Variants in SMIM45 observed in about 807,000 individuals in gnomAD.
The protein encoded by SMIM45 is long intergenic non-protein coding RNA 634.
At chr22:41,955,574 AGGTG>A in the SMIM45 span, among the ~76,000 whole-genome samples, 2 of 151,406 alleles carry the variant, frequency 1.3e-5, no homozygotes, top group African/African-American at 4.8e-5. Flanking sequence ...TGGGAGGCCG[AGGTG>A]GGCGGATCAC....
the SMIM45 span, among the ~76,000 whole-genome samples, chr22:41,957,181 C>CTTTTTTT: frequency 1.7e-5 from 1 of 59,292 alleles, no homozygotes; most frequent in Admixed American, 2.5e-4. Flanking sequence ...ACCACGTGGT[C>CTTTTTTT]TTTTTTTTTT....
the SMIM45 span, among the ~76,000 whole-genome samples, chr22:41,957,490 C>T: frequency 6.6e-6 from 1 of 151,958 alleles, no homozygotes; most frequent in South Asian, 2.1e-4. Context: ...CGTGAGCCAC[C>T]GCGCCCGGCC....
At chr22:41,957,899 T>C in the SMIM45 span, 1 of 162,480 alleles carries the variant, frequency 6.2e-6, no homozygotes, top group African/African-American at 2.4e-5. Context: ...CTGAGCCGAC[T>C]TGCAAAGGGG....
the SMIM45 span, among the ~76,000 whole-genome samples, chr22:41,956,171 A>T: frequency 2.6e-5 from 4 of 152,098 alleles, no homozygotes; most frequent in South Asian, 8.3e-4. Context: ...CACCATGCCC[A>T]GCTAATTTTT....
the SMIM45 span, among the ~76,000 whole-genome samples, chr22:41,952,742 G>A: frequency 6.6e-6 from 1 of 152,188 alleles, no homozygotes; most frequent in Non-Finnish European, 1.5e-5. Flanking sequence ...GGGATTTTGT[G>A]CACAGGGCTG....
the SMIM45 span, among the ~76,000 whole-genome samples, chr22:41,951,459 A>G: frequency 6.6e-6 from 1 of 152,192 alleles, no homozygotes; most frequent in African/African-American, 2.4e-5. Context: ...CTCAACACCA[A>G]TCCAGCTGGG....
the SMIM45 span, chr22:41,947,110 G>T: frequency 6.2e-7 from 1 of 1,608,438 alleles, no homozygotes; most frequent in Non-Finnish European, 8.5e-7. Flanking sequence ...CTCCTGCGGT[G>T]CGCGCCGATC....
At chr22:41,954,243 G>A in the SMIM45 span, among the ~76,000 whole-genome samples, 1 of 116,704 alleles carries the variant, frequency 8.6e-6, no homozygotes, top group Non-Finnish European at 1.6e-5. Context: ...GTCTTGCTCT[G>A]TCACCCAGGC....
At chr22:41,956,446 A>G in the SMIM45 span, among the ~76,000 whole-genome samples, 10 of 152,148 alleles carry the variant, frequency 6.6e-5, no homozygotes, top group East Asian at 1.9e-3. Context: ...GTCTCCTTCA[A>G]TGGGTGTTTG....
At chr22:41,951,859 G>A in the SMIM45 span, among the ~76,000 whole-genome samples, 1 of 152,040 alleles carries the variant, frequency 6.6e-6, no homozygotes, top group Non-Finnish European at 1.5e-5. Context: ...GCATCTCCCT[G>A]CTCCCCAAAT....
chr22:41,958,191 C>A, the SMIM45 span: 1 of 410,536 alleles, frequency 2.4e-6, no homozygotes, highest in South Asian at 1.8e-5. Context: ...CGCTGCGCAG[C>A]ACTCTGCCCT....
chr22:41,956,258 G>A, the SMIM45 span, among the ~76,000 whole-genome samples: 25 of 152,048 alleles, frequency 1.6e-4, no homozygotes, highest in Non-Finnish European at 3.2e-4. Flanking sequence ...CAATCCACCC[G>A]CTTTGGCCTC....
At chr22:41,958,157 C>A in the SMIM45 span, 1 of 361,136 alleles carries the variant, frequency 2.8e-6, no homozygotes, top group Admixed American at 3.4e-5. Context: ...CAGGGGCATC[C>A]TCCGCTGGGC....
the SMIM45 span, among the ~76,000 whole-genome samples, chr22:41,954,332 G>A: frequency 1.3e-5 from 2 of 149,562 alleles, no homozygotes; most frequent in Non-Finnish European, 3.0e-5. Flanking sequence ...TCAGCCTGTT[G>A]AGTAGCTGGG....
At chr22:41,956,313 A>G in the SMIM45 span, among the ~76,000 whole-genome samples, 1 of 152,140 alleles carries the variant, frequency 6.6e-6, no homozygotes, top group African/African-American at 2.4e-5. Context: ...GTCCAGCCCC[A>G]TTCCCATTTT....
the SMIM45 span, among the ~76,000 whole-genome samples, chr22:41,948,800 C>T: frequency 2.6e-5 from 4 of 151,900 alleles, no homozygotes; most frequent in Non-Finnish European, 4.4e-5. Flanking sequence ...TGGTGGTTCA[C>T]GCATGTAATC....
At chr22:41,953,740 GTTTTTTTTTTT>G in the SMIM45 span, among the ~76,000 whole-genome samples, 18 of 89,302 alleles carry the variant, frequency 2.0e-4, 1 homozygote, top group Admixed American at 3.5e-4. Context: ...TCTGTGATCT[GTTTTTTTTTTT>G]TTTTTTTTTT....
the SMIM45 span, among the ~76,000 whole-genome samples, chr22:41,951,367 G>C: frequency 2.0e-5 from 3 of 152,090 alleles, no homozygotes; most frequent in African/African-American, 7.2e-5. Context: ...TTGAATTCCA[G>C]CTCAGTCACT....
the SMIM45 span, among the ~76,000 whole-genome samples, chr22:41,955,233 T>C: frequency 6.6e-6 from 1 of 151,380 alleles, no homozygotes; most frequent in East Asian, 2.0e-4. Flanking sequence ...CAGGCTGGAG[T>C]GCAGTGGCAC....
Sources: allele counts gnomAD v4.1 joint callset (sites outside exome capture counted in the v4.1 genomes callset), GRCh38; gene constraint gnomAD v4.1.1; transcripts MANE v1.5; gene names NCBI Gene and HGNC (gene_info 2026-07-23, HGNC 2026-07-21).